The following SS18 variants were observed in gnomAD, a reference collection of about 807,000 sequenced individuals.
SS18 encodes the protein protein SSXT.
Under a neutral mutation model 72.5 loss-of-function variants are expected in SS18, and 28 were observed. The observed-to-expected ratio is 0.39, with a 90% CI of 0.29 to 0.53. The LOEUF (loss-of-function observed/expected upper bound fraction) is 0.53. SS18 is among the 20% of genes least tolerant of loss of function. The pLI is 0.76. For missense variants in SS18, 518 were observed against 535.3 expected (o/e 0.97, Z 0.32); for synonymous variants, 172 against 164.2 (o/e 1.05, Z -0.37).
chr18:26,022,250 T>C (rs557289702), intron 10 of SS18, among the ~76,000 whole-genome samples: 1 of 152,176 alleles, frequency 6.6e-6, no homozygotes, highest in Non-Finnish European at 1.5e-5. Context: ...TGTGCTCTAC[T>C]AGGTGACAGA....
At chr18:26,039,949 G>C (rs567688110) in intron 5 of SS18, among the ~76,000 whole-genome samples, 1 of 152,204 alleles carries the variant, frequency 6.6e-6, no homozygotes, top group South Asian at 2.1e-4. Flanking sequence ...ATTATATAAT[G>C]GTAGACAGGA....
chr18:26,032,329 TA>T (rs1352874054), intron 10 of SS18, 69 bp downstream of exon 10: 18 of 1,559,202 alleles, frequency 1.2e-5, no homozygotes, highest in Admixed American at 1.8e-5. Context: ...AAATAAATTT[TA>T]AAAAAAAGTT....
intron 2 of SS18, chr18:26,079,120 C>A (rs1422500371): frequency 6.6e-6 from 1 of 152,144 alleles, no homozygotes; most frequent in African/African-American, 2.4e-5. Context: ...AATAGGCAAT[C>A]TCCAACTACA....
At chr18:26,075,682 T>C (rs1166274006) in intron 3 of SS18, among the ~76,000 whole-genome samples, 2 of 151,952 alleles carry the variant, frequency 1.3e-5, no homozygotes, top group Non-Finnish European at 2.9e-5. Flanking sequence ...AAGACAAGGA[T>C]GTCCTCTATC....
intron 3 of SS18, among the ~76,000 whole-genome samples, chr18:26,067,548 G>C (rs1175801594): frequency 6.6e-6 from 1 of 152,090 alleles, no homozygotes; most frequent in African/African-American, 2.4e-5. Flanking sequence ...TCATAAAAAA[G>C]ATCTGTATTT....
At chr18:26,079,860 C>A (rs1444322676) in intron 2 of SS18, among the ~76,000 whole-genome samples, 2 of 152,040 alleles carry the variant, frequency 1.3e-5, no homozygotes, top group Non-Finnish European at 2.9e-5. Flanking sequence ...GGATTACAGG[C>A]GTGAGCCACT....
At chr18:26,048,996 T>C (rs1430159013) in intron 5 of SS18, among the ~76,000 whole-genome samples, 1 of 152,180 alleles carries the variant, frequency 6.6e-6, no homozygotes, top group Non-Finnish European at 1.5e-5. Flanking sequence ...AATTAAGTAA[T>C]TTAGTCAAAG....
At chr18:26,075,519 A>G (rs1405881715) in intron 3 of SS18, among the ~76,000 whole-genome samples, 1 of 151,972 alleles carries the variant, frequency 6.6e-6, no homozygotes, top group Non-Finnish European at 1.5e-5. Flanking sequence ...AGTACTTGAT[A>G]AAATTTAACA....
At chr18:26,063,786 T>C (rs2144057723) in intron 3 of SS18, among the ~76,000 whole-genome samples, 1 of 152,062 alleles carries the variant, frequency 6.6e-6, no homozygotes, top group African/African-American at 2.4e-5. Context: ...AAGGAGGAAA[T>C]AATGTAAACA....
At chr18:26,058,298 G>C (rs2054061318) in intron 3 of SS18, among the ~76,000 whole-genome samples, 1 of 152,222 alleles carries the variant, frequency 6.6e-6, no homozygotes, top group African/African-American at 2.4e-5. Flanking sequence ...TACAGAGACA[G>C]CTGCCTCAAA....
intron 10 of SS18, among the ~76,000 whole-genome samples, chr18:26,030,469 C>T (rs948791834): frequency 6.6e-6 from 1 of 151,916 alleles, no homozygotes; most frequent in African/African-American, 2.4e-5. Context: ...GTTTACCCAC[C>T]TGTATGCCAT....
rs45565834 is a variant in SS18, at chr18:26,034,880, A to T, written c.1096+125T>A. 3,483 of 1,231,044 alleles carry T rather than the reference A, an allele frequency of 2.8e-3. 75 individuals carry two copies. The African/African-American group carries it at 0.046, about 16-fold the overall frequency. The allele number at this position is 1,231,044 out of a possible 1,614,324, so 76.3% of individuals were successfully genotyped here. On this transcript the variant is annotated intron_variant, in intron 9 of 10. Transcript: ENST00000415083. ...TTTTAAACCAACATTTTAACAGTAG[A>T]CTAGTCTAAAACTGAATTTTCAAGT... is the stretch of plus-strand genomic sequence containing the variant.
At chr18:26,065,957 G>A (rs531668325) in intron 3 of SS18, among the ~76,000 whole-genome samples, 3 of 151,496 alleles carry the variant, frequency 2.0e-5, no homozygotes, top group East Asian at 1.9e-4. Flanking sequence ...TGGTGATTAC[G>A]TGGATTTGTC....
intron 10 of SS18, among the ~76,000 whole-genome samples, chr18:26,023,225 T>G (rs560763016): frequency 2.3e-4 from 35 of 152,100 alleles, no homozygotes; most frequent in Non-Finnish European, 3.7e-4. Flanking sequence ...ATTATTAGAG[T>G]TGGCAGAAGA....
intron 3 of SS18, among the ~76,000 whole-genome samples, chr18:26,077,387 GAATAC>G (rs2054436078): frequency 6.6e-6 from 1 of 151,994 alleles, no homozygotes; most frequent in Non-Finnish European, 1.5e-5. Context: ...AGGACCATGA[GAATAC>G]AATTAGCCAA....
chr18:26,068,819 G>C (rs1180753169), intron 3 of SS18, among the ~76,000 whole-genome samples: 1 of 152,064 alleles, frequency 6.6e-6, no homozygotes, highest in Non-Finnish European at 1.5e-5. Context: ...TAACAGGTCA[G>C]ACTTTTATTT....
chr18:26,060,770 C>CCAAAAAAAAAA (rs2054105354), intron 3 of SS18, among the ~76,000 whole-genome samples: 1 of 5,734 alleles, frequency 1.7e-4, no homozygotes, highest in Non-Finnish European at 6.3e-4. Flanking sequence ...ACTAAAAATA[C>CCAAAAAAAAAA]CAAAAAAAAA....
chr18:26,025,172 T>C (rs906311510), intron 10 of SS18, among the ~76,000 whole-genome samples: 4 of 151,876 alleles, frequency 2.6e-5, no homozygotes, highest in Non-Finnish European at 2.9e-5. Flanking sequence ...AAAAAAGAAA[T>C]AAAAAGTGAA....
In SS18 at chr18:26,027,703, A is replaced by AAAAGAC. The variant is rs1555643837; in HGVS notation, c.1230+4695_1230+4696insGTCTTT. On this transcript the variant is annotated intron_variant, in intron 10 of 10. Transcript: ENST00000415083. ...AAAAAAAAAAAAAAAAAAAAAAAAAAAGTCTTTTCAACAAATGACTCTGAG... is the reference window on the plus strand; with the variant it reads ...AAAAAAAAAAAAAAAAAAAAAAAAAAAAAGACAGTCTTTTCAACAAATGACTCTGAG... 1.8e-3 allele frequency among the ~76,000 whole-genome samples: 229 copies of AAAAGAC among 124,708 alleles called. 24 individuals carry two copies. Among genetic ancestry groups the AAAAGAC allele is most frequent in the African/African-American group, 7.7e-3 (216 of 28,042 alleles). 81.8% of individuals were successfully genotyped at this position (124,708 alleles called of 152,430 possible). A position where few individuals can be genotyped will look rare whatever the true frequency, so the allele number is the denominator to read the frequency against.
Sources: gnomAD v4.1 joint callset for allele counts (sites outside exome capture counted in the v4.1 genomes callset) on GRCh38, gnomAD v4.1.1 for gene constraint, MANE v1.5 for transcripts, NCBI Gene and HGNC (gene_info 2026-07-23, HGNC 2026-07-21) for gene names.